Variants in SHISA6 observed in about 807,000 individuals in gnomAD.
SHISA6 encodes protein shisa-6.
Under a neutral mutation model 47.9 loss-of-function variants are expected in SHISA6, and 22 were observed. The ratio of observed to expected loss-of-function variants is 0.46; its 90% CI spans 0.33 to 0.66. The LOEUF (loss-of-function observed/expected upper bound fraction) is 0.66. Ranked by LOEUF, SHISA6 falls within the 30% of genes least tolerant of loss-of-function variation. SHISA6 has a pLI of 0.02. For synonymous variants in SHISA6, 388 were observed against 337.8 expected (o/e 1.15, Z -1.63); for missense variants, 680 against 764.6 (o/e 0.89, Z 1.30).
intron 3 of SHISA6, among the ~76,000 whole-genome samples, chr17:11,442,169 A>G (rs1915111055): frequency 6.6e-6 from 1 of 152,144 alleles, no homozygotes; most frequent in Non-Finnish European, 1.5e-5. Flanking sequence ...TTGTAATACT[A>G]TCATGTCTTA....
At chr17:11,305,068 T>G (rs1910061738) in intron 2 of SHISA6, among the ~76,000 whole-genome samples, 1 of 152,248 alleles carries the variant, frequency 6.6e-6, no homozygotes, top group Admixed American at 6.5e-5. Context: ...GAGGCACTTC[T>G]TCATGCGTCA....
chr17:11,558,308 GC>G lies in SHISA6; in HGVS notation c.*5del, dbSNP rs937051592. The G allele has an allele frequency of 3.9e-6, 6 of 1,536,478 alleles. No individual in the cohort carries two copies. The African/African-American group carries it at 6.8e-5, about 18-fold the overall frequency. ...CAAGACCGAAGTGACCGTGTGACCG[GC>G]GGGGCAGGGCCGGGGCTGCTGGGCG... On this transcript the variant is annotated 3_prime_UTR_variant, in exon 6 of 6. Coordinates refer to ENST00000441885, the MANE Select transcript of SHISA6 (RefSeq NM_207386.4).
chr17:11,378,523 C>T (rs1229654932), intron 2 of SHISA6, among the ~76,000 whole-genome samples: 1 of 152,192 alleles, frequency 6.6e-6, no homozygotes, highest in Non-Finnish European at 1.5e-5. Flanking sequence ...GGTTTTTTCA[C>T]ATGTACATAC....
At chr17:11,472,684 A>G (rs1203450862) in intron 3 of SHISA6, among the ~76,000 whole-genome samples, 1 of 152,228 alleles carries the variant, frequency 6.6e-6, no homozygotes, top group Non-Finnish European at 1.5e-5. Context: ...CTTTGAATAA[A>G]TAACAAGGAG....
intron 3 of SHISA6, among the ~76,000 whole-genome samples, chr17:11,504,008 G>A (rs182802312): frequency 3.0e-4 from 46 of 152,312 alleles, no homozygotes; most frequent in East Asian, 7.7e-4. Context: ...GCCTTCTGGC[G>A]ATTTTTAAAC....
At chr17:11,515,131 G>T (rs1419573374) in intron 3 of SHISA6, among the ~76,000 whole-genome samples, 1 of 151,742 alleles carries the variant, frequency 6.6e-6, no homozygotes, top group African/African-American at 2.4e-5. Flanking sequence ...TTCTATCAGT[G>T]TGTCATTGGG....
At position 11,279,318 on chromosome 17, in the gene SHISA6, A is replaced by G. The variant is rs144375585; in HGVS notation, c.799+15792A>G. ...TGCTTTTCTCTACTTAAGAATACTC[A>G]TATCAACTTGTTAGACCCTCGTAGA... On this transcript the variant is annotated intron_variant, in intron 2 of 5. Transcript: ENST00000441885. 2.6e-5 allele frequency among the ~76,000 whole-genome samples: 4 copies of G among 152,260 alleles called. No homozygotes were observed. The East Asian group carries it at 7.7e-4, about 29-fold the overall frequency.
chr17:11,332,537 C>A (rs138369300), intron 2 of SHISA6, among the ~76,000 whole-genome samples: 108 of 152,290 alleles, frequency 7.1e-4, no homozygotes, highest in African/African-American at 2.5e-3. Context: ...ATGTGTCCCA[C>A]ATCCCATGAT....
In SHISA6 at chr17:11,545,187, G is replaced by A. The variant is rs77356396; in HGVS notation, c.896-6709G>A. ...AAAAAGTATGATACATCCATACCAT[G>A]GAATATTCACTACTCAGCAATAAAA... is the stretch of plus-strand genomic sequence containing the variant. On this transcript the variant is annotated intron_variant, in intron 3 of 5. Transcript: ENST00000441885. 6.2e-3 allele frequency among the ~76,000 whole-genome samples: 936 copies of A among 150,966 alleles called. 10 individuals are homozygous for A. Among genetic ancestry groups the A allele is most frequent in the African/African-American group, 0.022 (889 of 41,152 alleles).
intron 5 of SHISA6, 67 bp downstream of exon 5, chr17:11,555,959 T>C: frequency 6.9e-7 from 1 of 1,446,260 alleles, no homozygotes. Flanking sequence ...TATGTCACAC[T>C]CTCTTGCTCC....
chr17:11,466,868 A>C (rs1413201356), intron 3 of SHISA6, among the ~76,000 whole-genome samples: 2 of 152,060 alleles, frequency 1.3e-5, no homozygotes, highest in Non-Finnish European at 2.9e-5. Flanking sequence ...GCCCTCCTCC[A>C]TTCGGCCTGC....
chr17:11,532,177 C>T (rs1259917717), intron 3 of SHISA6, among the ~76,000 whole-genome samples: 20 of 152,176 alleles, frequency 1.3e-4, no homozygotes, highest in Admixed American at 1.3e-3. Flanking sequence ...CCAGCGCCAG[C>T]CGATGGCTCT....
chr17:11,269,038 TTGTC>T (rs1311055754), intron 2 of SHISA6, among the ~76,000 whole-genome samples: 16 of 142,828 alleles, frequency 1.1e-4, no homozygotes, highest in African/African-American at 2.6e-4. Flanking sequence ...TTTTTTTTGT[TTGTC>T]TGTTTTGTTT....
intron 3 of SHISA6, among the ~76,000 whole-genome samples, chr17:11,510,705 A>T (rs2071534462): frequency 6.6e-6 from 1 of 152,232 alleles, no homozygotes; most frequent in Non-Finnish European, 1.5e-5. Flanking sequence ...TTCACCACTT[A>T]CCAGCTGTCT....
chr17:11,355,879 C>G (rs935606343), intron 2 of SHISA6, among the ~76,000 whole-genome samples: 1 of 151,966 alleles, frequency 6.6e-6, no homozygotes, highest in African/African-American at 2.4e-5. Flanking sequence ...ATTAAGACAC[C>G]CTGCCATTTG....
chr17:11,253,311 GTTT>G (rs5819309), intron 1 of SHISA6, among the ~76,000 whole-genome samples: 1 of 144,864 alleles, frequency 6.9e-6, no homozygotes, highest in Non-Finnish European at 1.5e-5. Context: ...CCTGGGCAAA[GTTT>G]TTTTTTTTTT....
Position 11,447,536 on chromosome 17 carries a change from C to T in SHISA6, c.895+68027C>T, listed in dbSNP as rs146912828. 2.7e-3 allele frequency among the ~76,000 whole-genome samples: 410 copies of T among 152,294 alleles called. 2 individuals are homozygous for T. The highest frequency in any genetic ancestry group is 7.8e-3 in the African/African-American group (326 of 41,562). On this transcript the variant is annotated intron_variant, in intron 3 of 5. Coordinates refer to ENST00000441885, the MANE Select transcript of SHISA6 (RefSeq NM_207386.4). ...TTTAATGCCAGATTCATTAACAGCT[C>T]GCCTTACTTCAGCCTCCACAGGTTT...
intron 3 of SHISA6, among the ~76,000 whole-genome samples, chr17:11,398,898 T>G (rs73282880): frequency 0.046 from 7,056 of 152,078 alleles, 500 homozygotes; most frequent in African/African-American, 0.15. Flanking sequence ...GTCCCAATAG[T>G]ACTTTTGATC....
At chr17:11,251,661 A>G (rs1003190385) in intron 1 of SHISA6, among the ~76,000 whole-genome samples, 17 of 152,176 alleles carry the variant, frequency 1.1e-4, no homozygotes, top group African/African-American at 3.9e-4. Flanking sequence ...TCGTGCATGC[A>G]AGACACAGCA....
Sources: gnomAD v4.1 joint callset for allele counts (sites outside exome capture counted in the v4.1 genomes callset) on GRCh38, gnomAD v4.1.1 for gene constraint, MANE v1.5 for transcripts, NCBI Gene and HGNC (gene_info 2026-07-23, HGNC 2026-07-21) for gene names.